CDH12: variants seen among roughly 807,000 people sequenced by gnomAD.
The protein encoded by CDH12 is cadherin-12.
CDH12 carries 41 observed loss-of-function variants against 74.1 expected under a neutral mutation model. The observed-to-expected ratio is 0.55, with a 90% CI of 0.43 to 0.72. The LOEUF (loss-of-function observed/expected upper bound fraction) is 0.72, where lower values mean the gene tolerates loss of function less well. Ranked by LOEUF, CDH12 falls within the 30% of genes least tolerant of loss-of-function variation. CDH12 has a pLI of 0.00. For missense variants in CDH12, 945 were observed against 977.2 expected (o/e 0.97, Z 0.44); for synonymous variants, 399 against 355.0 (o/e 1.12, Z -1.39).
At chr5:22,805,947 T>C (rs1396019250) in intron 1 of CDH12, among the ~76,000 whole-genome samples, 4 of 152,156 alleles carry the variant, frequency 2.6e-5, no homozygotes, top group Admixed American at 6.5e-5. Flanking sequence ...CTGAGAATGA[T>C]GGTTTCCAGC....
intron 1 of CDH12, among the ~76,000 whole-genome samples, chr5:22,799,077 A>G (rs942409977): frequency 3.9e-5 from 6 of 152,114 alleles, no homozygotes; most frequent in African/African-American, 1.2e-4. Flanking sequence ...AGATCATGCT[A>G]TTGCACACCG....
intron 5 of CDH12, among the ~76,000 whole-genome samples, chr5:22,048,221 G>A (rs1199073715): frequency 6.6e-6 from 1 of 152,076 alleles, no homozygotes; most frequent in Non-Finnish European, 1.5e-5. Context: ...TCTATCTATT[G>A]CTTTCATTCC....
intron 2 of CDH12, among the ~76,000 whole-genome samples, chr5:22,491,568 G>A (rs1746864431): frequency 8.2e-6 from 1 of 121,846 alleles, no homozygotes; most frequent in African/African-American, 3.1e-5. Flanking sequence ...AATTGACTTG[G>A]ACCACACAGA....
At position 21,879,693 on chromosome 5, in the gene CDH12, G is replaced by T. The variant is rs569362216; in HGVS notation, c.527-24903C>A. 9.2e-5 allele frequency among the ~76,000 whole-genome samples: 14 copies of T among 151,994 alleles called. No homozygotes were observed. In the East Asian group the frequency reaches 2.7e-3, roughly 29 times the overall value. On this transcript the variant is annotated intron_variant, in intron 6 of 14. Transcript: ENST00000382254. ...TAAAGCTTTCAAGTTGTAAGCCAGG[G>T]GTAAAATATAGTGCAGATTAAAAAA...
chr5:22,444,232 G>A (rs796371110), intron 2 of CDH12, among the ~76,000 whole-genome samples: 6 of 152,066 alleles, frequency 3.9e-5, no homozygotes, highest in African/African-American at 1.4e-4. Flanking sequence ...GTCGTTTGCT[G>A]TGAATATACA....
intron 1 of CDH12, among the ~76,000 whole-genome samples, chr5:22,791,273 G>A (rs1747891516): frequency 6.6e-6 from 1 of 152,112 alleles, no homozygotes; most frequent in Non-Finnish European, 1.5e-5. Flanking sequence ...TCTAGTGCCA[G>A]AAGAAAAATA....
At position 21,751,625 on chromosome 5, in the gene CDH12, TGTGTGTTTG is replaced by T; in HGVS notation, c.*103_*111del. The T allele has an allele frequency of 2.8e-6, 2 of 720,668 alleles. No individual in the cohort carries two copies. The highest frequency in any genetic ancestry group is 2.6e-5 in the Admixed American group (1 of 38,422). 44.6% of individuals were successfully genotyped at this position (720,668 alleles called of 1,614,324 possible). ...TTGTCCCAGAGTGTGTGTGTGTGTGTGTGTGTTTGTGTGTGTGTGTGTGTGTGAGAGAGA... is the reference window on the plus strand; with the variant it reads ...TTGTCCCAGAGTGTGTGTGTGTGTGTTGTGTGTGTGTGTGTGTGAGAGAGA... On this transcript the variant is annotated 3_prime_UTR_variant, in exon 15 of 15. Coordinates refer to ENST00000382254, the MANE Select transcript of CDH12 (RefSeq NM_004061.5).
chr5:21,977,718 C>T lies in CDH12; in HGVS notation c.232-2333G>A, dbSNP rs536372727. Among the ~76,000 whole-genome samples the T allele has an allele frequency of 1.1e-4, 16 of 152,272 alleles. No individual in the cohort carries two copies. The South Asian group carries it at 3.3e-3, about 32-fold the overall frequency. On this transcript the variant is annotated intron_variant, in intron 5 of 14. Transcript: ENST00000382254. The stretch of plus-strand genomic sequence containing the variant: ...TCCAAATTCAAGTTAATTACTGCTG[C>T]TCCTCACTCTTCTACCTTTTCCTTC...
At chr5:22,628,306 T>C (rs191872978) in intron 1 of CDH12, among the ~76,000 whole-genome samples, 10 of 152,204 alleles carry the variant, frequency 6.6e-5, no homozygotes, top group Admixed American at 5.9e-4. Flanking sequence ...ATTCTTCTTG[T>C]CTGCGCATGA....
At chr5:21,889,444 G>C (rs1037241850) in intron 6 of CDH12, 1 of 320,436 alleles carries the variant, frequency 3.1e-6, no homozygotes, top group African/African-American at 2.3e-5. Flanking sequence ...AGCTGTAGTT[G>C]CCTGCACCTG....
At chr5:22,650,015 A>C (rs1739649492) in intron 1 of CDH12, among the ~76,000 whole-genome samples, 1 of 152,008 alleles carries the variant, frequency 6.6e-6, no homozygotes, top group South Asian at 2.1e-4. Context: ...TGTCTATATA[A>C]CATAAATGTC....
At chr5:22,387,467 C>A (rs1168265056) in intron 3 of CDH12, among the ~76,000 whole-genome samples, 1 of 152,094 alleles carries the variant, frequency 6.6e-6, no homozygotes, top group East Asian at 1.9e-4. Context: ...CCCTATCCAC[C>A]TTTGTTAGAG....
chr5:22,779,590 T>C (rs1747282684), intron 1 of CDH12, among the ~76,000 whole-genome samples: 1 of 152,128 alleles, frequency 6.6e-6, no homozygotes, highest in Non-Finnish European at 1.5e-5. Context: ...GGGAGGGACC[T>C]AGTAGAGGTG....
intron 6 of CDH12, among the ~76,000 whole-genome samples, chr5:21,898,975 C>A (rs1753259270): frequency 6.6e-6 from 1 of 152,134 alleles, no homozygotes; most frequent in Non-Finnish European, 1.5e-5. Context: ...CTATCTCACA[C>A]AATTTCTCCT....
At chr5:22,307,240 G>A (rs971609426) in intron 3 of CDH12, among the ~76,000 whole-genome samples, 1 of 152,144 alleles carries the variant, frequency 6.6e-6, no homozygotes, top group Non-Finnish European at 1.5e-5. Flanking sequence ...ATACAGAAGA[G>A]CTGTATTCCT....
Position 22,501,846 on chromosome 5 carries a change from C to A in CDH12, c.-428+3424G>T, listed in dbSNP as rs114422760. Among the ~76,000 whole-genome samples the A allele has an allele frequency of 7.2e-3, 1,099 of 152,116 alleles. 11 individuals are homozygous for A. Among genetic ancestry groups the A allele is most frequent in the African/African-American group, 0.026 (1,063 of 41,520 alleles). Reference sequence around the variant, plus strand: ...CACTAAAGAAAGACTCAAATCCACTCCTGGCTGAGCAGATCTGCTGTTCCC... The same window carrying A: ...CACTAAAGAAAGACTCAAATCCACTACTGGCTGAGCAGATCTGCTGTTCCC... On this transcript the variant is annotated intron_variant, in intron 2 of 14. Transcript: ENST00000382254.
intron 5 of CDH12, among the ~76,000 whole-genome samples, chr5:22,020,752 CT>C (rs1001801300): frequency 1.3e-5 from 2 of 152,184 alleles, no homozygotes; most frequent in Admixed American, 6.5e-5. Context: ...GTTATCCCCC[CT>C]CTCATGACTT....
At chr5:22,243,589 T>C (rs1311149746) in intron 3 of CDH12, among the ~76,000 whole-genome samples, 1 of 152,148 alleles carries the variant, frequency 6.6e-6, no homozygotes, top group East Asian at 1.9e-4. Flanking sequence ...TGTAATTTCA[T>C]AGTGGAAATA....
chr5:22,585,883 C>T (rs941741400), intron 1 of CDH12, among the ~76,000 whole-genome samples: 2 of 152,104 alleles, frequency 1.3e-5, no homozygotes, highest in African/African-American at 4.8e-5. Context: ...CAATTTTACA[C>T]TGTTGGTGGG....
Sources: allele counts gnomAD v4.1 joint callset (sites outside exome capture counted in the v4.1 genomes callset), GRCh38; gene constraint gnomAD v4.1.1; transcripts MANE v1.5; gene names NCBI Gene and HGNC (gene_info 2026-07-23, HGNC 2026-07-21).